MOSMO: variants seen among roughly 807,000 people sequenced by gnomAD.
MOSMO encodes modulator of smoothened.
A neutral mutation model predicts 18.4 loss-of-function variants in MOSMO; 5 were observed. The ratio of observed to expected loss-of-function variants is 0.27; its 90% CI spans 0.14 to 0.57. The LOEUF (loss-of-function observed/expected upper bound fraction) is 0.57. Among genes scored for constraint, MOSMO ranks in the 20% least tolerant of loss-of-function variants. MOSMO has a pLI of 0.92. For missense variants in MOSMO, 138 were observed against 211.8 expected, an observed-to-expected ratio of 0.65 and a Z score of 2.16; for synonymous variants, 82 against 82.3, an observed-to-expected ratio of 1.00 and a Z score of 0.02.
chr16:22,089,181 C>T (rs370472206), downstream of MOSMO, among the ~76,000 whole-genome samples: 6 of 152,132 alleles, frequency 3.9e-5, no homozygotes, highest in Admixed American at 3.9e-4. Flanking sequence ...CATCTTCCCA[C>T]CTCAGCTTCC....
intron 1 of MOSMO, among the ~76,000 whole-genome samples, chr16:22,033,588 C>A (rs569104794): frequency 6.6e-6 from 1 of 151,848 alleles, no homozygotes. Flanking sequence ...GAAGCCGAGG[C>A]GGGCAGATCA....
At chr16:22,079,354 T>C (rs1397104789) in intron 2 of MOSMO, among the ~76,000 whole-genome samples, 1 of 152,176 alleles carries the variant, frequency 6.6e-6, no homozygotes, top group Non-Finnish European at 1.5e-5. Flanking sequence ...TATTTCTGCC[T>C]CCAGAGAAAG....
intron 1 of MOSMO, 24 bp from the exon 2 acceptor site, chr16:22,075,463 T>G (rs1429442667): frequency 7.9e-7 from 1 of 1,265,212 alleles, no homozygotes. Context: ...CACTAAAGTA[T>G]TCCCACCATT....
At chr16:22,066,268 A>AG (rs11389920) in intron 1 of MOSMO, among the ~76,000 whole-genome samples, 149,865 of 152,260 alleles carry the variant, frequency 0.98, 73,873 homozygotes, top group Non-Finnish European at 1. Context: ...TTCTATTCCT[A>AG]GGCATTTGTT....
Position 22,008,405 on chromosome 16 carries a change from C to T in MOSMO, c.104C>T (p.Ala35Val), listed in dbSNP as rs536353754. The T allele has an allele frequency of 1.3e-6, 2 of 1,529,454 alleles. No homozygotes were observed. The highest frequency in any genetic ancestry group is 1.2e-5 in the South Asian group (1 of 83,646). The allele number at this position is 1,529,454 out of a possible 1,614,324, so 94.7% of individuals were successfully genotyped here. A position where few individuals can be genotyped will look rare whatever the true frequency, so the allele number is the denominator to read the frequency against. The change falls in exon 1 of 3, where the codon GCG becomes GTG. Residue 35 changes from alanine (A) to valine (V), a missense_variant and splice_region_variant. Coordinates refer to ENST00000542527, the MANE Select transcript of MOSMO (RefSeq NM_001164579.2). ...GACTGGATCAACACCGGGGAGTCTG[C>T]GGGTGAGCCGCTGGCGCGCCGGGCC... ...NPDWINTGES[A>V]GALTVGLVRQ...
At chr16:22,013,066 G>C (rs1899565719) in intron 1 of MOSMO, among the ~76,000 whole-genome samples, 1 of 152,092 alleles carries the variant, frequency 6.6e-6, no homozygotes, top group African/African-American at 2.4e-5. Flanking sequence ...ACATAATTCT[G>C]CTATGCTAAG....
At chr16:22,062,181 C>T (rs1900657304) in intron 1 of MOSMO, among the ~76,000 whole-genome samples, 1 of 151,850 alleles carries the variant, frequency 6.6e-6, no homozygotes, top group East Asian at 1.9e-4. Context: ...CATGATTTTT[C>T]TTCTAAGTCT....
chr16:22,088,904 A>G (rs1246641686), downstream of MOSMO, among the ~76,000 whole-genome samples: 1 of 152,120 alleles, frequency 6.6e-6, no homozygotes, highest in Non-Finnish European at 1.5e-5. Context: ...TGGCTCAAAC[A>G]TGAGCAGCTA....
chr16:22,018,802 A>C (rs1183375359), intron 1 of MOSMO, among the ~76,000 whole-genome samples: 1 of 152,146 alleles, frequency 6.6e-6, no homozygotes, highest in Non-Finnish European at 1.5e-5. Flanking sequence ...AACAGATGAT[A>C]CATTTAATAA....
At chr16:22,043,275 T>TTAAAG (rs1900244407) in intron 1 of MOSMO, among the ~76,000 whole-genome samples, 1 of 152,218 alleles carries the variant, frequency 6.6e-6, no homozygotes, top group Non-Finnish European at 1.5e-5. Context: ...AGCAAGAATT[T>TTAAAG]TAAAGTTTTC....
At chr16:22,053,259 C>T (rs1392580104) in intron 1 of MOSMO, among the ~76,000 whole-genome samples, 1 of 151,796 alleles carries the variant, frequency 6.6e-6, no homozygotes, top group Non-Finnish European at 1.5e-5. Flanking sequence ...CACCGCACAC[C>T]CAGCCTATTC....
At chr16:22,080,424 G>A (rs1901056187) in intron 2 of MOSMO, among the ~76,000 whole-genome samples, 1 of 152,196 alleles carries the variant, frequency 6.6e-6, no homozygotes, top group Admixed American at 6.5e-5. Flanking sequence ...AATCGTATTT[G>A]TGAGGATTTG....
chr16:22,091,127 G>A (rs1901308315), downstream of MOSMO, among the ~76,000 whole-genome samples: 1 of 152,020 alleles, frequency 6.6e-6, no homozygotes, highest in East Asian at 1.9e-4. Flanking sequence ...CTTGTTCACC[G>A]AGTAGCCATT....
rs1050523643 is a variant in MOSMO, at chr16:22,027,104, A to C, written c.106+18697A>C. On this transcript the variant is annotated intron_variant, in intron 1 of 2. Coordinates refer to ENST00000542527, the MANE Select transcript of MOSMO (RefSeq NM_001164579.2). The stretch of plus-strand genomic sequence containing the variant: ...GGATTTCAATATAATTTTAAAAGGA[A>C]GTAAGGTGGGCAATCAGATTAATTT... Among the ~76,000 whole-genome samples, 15 of 152,360 alleles carry C rather than the reference A, an allele frequency of 9.8e-5. No homozygotes were observed. The Middle Eastern group carries it at 0.01, about 104-fold the overall frequency.
intron 1 of MOSMO, among the ~76,000 whole-genome samples, chr16:22,035,967 A>G (rs1015262924): frequency 1.3e-5 from 2 of 152,044 alleles, no homozygotes; most frequent in African/African-American, 4.8e-5. Context: ...TAATTTTTAT[A>G]TATTGGTCTT....
chr16:22,042,480 AC>A (rs1393338781), intron 1 of MOSMO, among the ~76,000 whole-genome samples: 1 of 152,176 alleles, frequency 6.6e-6, no homozygotes, highest in Non-Finnish European at 1.5e-5. Flanking sequence ...TCTAAAAGTT[AC>A]CTTTCAACTC....
At chr16:22,089,155 C>T (rs746427049), downstream of MOSMO, among the ~76,000 whole-genome samples, 7 of 152,140 alleles carry the variant, frequency 4.6e-5, no homozygotes, top group African/African-American at 7.2e-5. Flanking sequence ...ACTGCAGCCT[C>T]GACCTCCTGG....
At chr16:22,025,140 A>G (rs1166098713) in intron 1 of MOSMO, among the ~76,000 whole-genome samples, 2 of 151,850 alleles carry the variant, frequency 1.3e-5, no homozygotes, top group South Asian at 2.1e-4. Flanking sequence ...GCAATGGAAC[A>G]AGACTCTGTC....
chr16:22,019,416 T>C (rs942813172), intron 1 of MOSMO, among the ~76,000 whole-genome samples: 2 of 152,220 alleles, frequency 1.3e-5, no homozygotes, highest in African/African-American at 4.8e-5. Flanking sequence ...ATAAAACCTT[T>C]TTTGATCCCT....
Sources: gnomAD v4.1 joint callset for allele counts (sites outside exome capture counted in the v4.1 genomes callset) on GRCh38, gnomAD v4.1.1 for gene constraint, MANE v1.5 for transcripts, NCBI Gene and HGNC (gene_info 2026-07-23, HGNC 2026-07-21) for gene names.